RESF1: variants seen among roughly 807,000 people sequenced by gnomAD.
RESF1 encodes retroelement silencing factor 1, also known as gonad expressed transcript.
A neutral mutation model predicts 134.7 loss-of-function variants in RESF1; 65 were observed. The observed-to-expected ratio is 0.48, with a 90% CI of 0.40 to 0.59. The LOEUF is 0.59. Among genes scored for constraint, RESF1 ranks in the 20% least tolerant of loss-of-function variants. RESF1 has a pLI of 0.00. For synonymous variants in RESF1, 762 were observed against 702.2 expected, an observed-to-expected ratio of 1.09 and a Z score of -1.35; for missense variants, 2,274 against 2,002.7, an observed-to-expected ratio of 1.14 and a Z score of -2.59.
At chr12:31,986,833 A>G (rs1939982686) in intron 4 of RESF1, among the ~76,000 whole-genome samples, 1 of 152,216 alleles carries the variant, frequency 6.6e-6, no homozygotes, top group Non-Finnish European at 1.5e-5. Flanking sequence ...GTTTTCCTGG[A>G]AAAGAAGATA....
intron 3 of RESF1, among the ~76,000 whole-genome samples, chr12:31,976,738 A>G (rs951794782): frequency 2.6e-5 from 4 of 152,142 alleles, no homozygotes; most frequent in African/African-American, 9.7e-5. Flanking sequence ...GTGGAAATGG[A>G]TCATCATAAA....
At chr12:31,975,244 GA>G (rs1162124909) in intron 3 of RESF1, among the ~76,000 whole-genome samples, 2 of 152,052 alleles carry the variant, frequency 1.3e-5, no homozygotes, top group Non-Finnish European at 2.9e-5. Flanking sequence ...CAGCCTGGGC[GA>G]CAGAGCGAGA....
At position 31,984,348 on chromosome 12, in the gene RESF1, G is replaced by C; in HGVS notation, c.3393G>C (p.Leu1131Phe). The change falls in exon 4 of 6, where the codon TTG (leucine) becomes TTC (phenylalanine). Residue 1131 changes from leucine to phenylalanine, a missense_variant. By Grantham distance (22) the Leu-to-Phe change is conservative. Coordinates refer to ENST00000312561, the MANE Select transcript of RESF1 (RefSeq NM_018169.4). The stretch of plus-strand genomic sequence containing the variant: ...ATCAACCCTATGTAGTAGACAAGTT[G>C]GCAGAACCTCAGAAAGAAGAGCCCA... Reference protein sequence around the residue: ...QDDQPYVVDKLAEPQKEEPIT... With the variant: ...QDDQPYVVDKFAEPQKEEPIT... 6.2e-7 allele frequency: 1 copy of C among 1,614,062 alleles called. No homozygotes were observed. Among genetic ancestry groups the C allele is most frequent in the African/African-American group, 1.3e-5 (1 of 75,026 alleles).
intron 3 of RESF1, among the ~76,000 whole-genome samples, chr12:31,976,652 C>T (rs1939640948): frequency 6.6e-6 from 1 of 151,946 alleles, no homozygotes; most frequent in African/African-American, 2.4e-5. Context: ...CACTGCACTC[C>T]AGTCTGGGTG....
At position 31,984,005 on chromosome 12, in the gene RESF1, A is replaced by G. The variant is rs1358143667; in HGVS notation, c.3050A>G (p.Gln1017Arg). The G allele has an allele frequency of 1.2e-6, 2 of 1,614,054 alleles. No individual in the cohort carries two copies. The highest frequency in any genetic ancestry group is 1.7e-6 in the Non-Finnish European group (2 of 1,179,992). Residue 1017 changes from glutamine to arginine, a missense_variant, in exon 4 of 6, where the codon CAG (glutamine) becomes CGG (arginine). Coordinates refer to ENST00000312561, the MANE Select transcript of RESF1 (RefSeq NM_018169.4). ...GATACGTGCTCGTCAGCTGCTATTC[A>G]GGAGGATATTTACCCTCAGGAAATA... ...ANDTCSSAAI[Q>R]EDIYPQEIDA...
At chr12:31,963,042 G>A (rs891703019) in intron 2 of RESF1, among the ~76,000 whole-genome samples, 5 of 151,598 alleles carry the variant, frequency 3.3e-5, no homozygotes, top group African/African-American at 7.3e-5. Flanking sequence ...ACCCTAGCTC[G>A]GGTGACAGAG....
rs1041474216 is a variant in RESF1, at chr12:31,960,773, C to G, written c.-341-4C>G. ...TATTATAAAATGTTTCTTGCTGTCC[C>G]TAGGACCAAAGAAGTAAACACTGTG... On this transcript the variant is annotated splice_region_variant and splice_polypyrimidine_tract_variant and intron_variant, in intron 1 of 5. Transcript: ENST00000312561. 2.0e-5 allele frequency: 3 copies of G among 152,164 alleles called. No homozygotes were observed. Among genetic ancestry groups the G allele is most frequent in the Non-Finnish European group, 4.4e-5 (3 of 68,030 alleles). 9.4% of individuals were successfully genotyped at this position (152,164 alleles called of 1,614,324 possible). A position where few individuals can be genotyped will look rare whatever the true frequency, so the allele number is the denominator to read the frequency against.
In RESF1 at chr12:31,965,526, G is replaced by C. The variant is rs139152660; in HGVS notation, c.-247+4655G>C. ...TTTAAAATAAGTCTCTGCTTTGGCT[G>C]CCTTGCTTGTGTGGTTTGTTCAGTT... On this transcript the variant is annotated intron_variant, in intron 2 of 5. Transcript: ENST00000312561. Among the ~76,000 whole-genome samples the C allele has an allele frequency of 7.9e-5, 12 of 152,284 alleles. No homozygotes were observed. The East Asian group carries it at 2.3e-3, about 29-fold the overall frequency.
At chr12:31,971,496 T>C (rs1166936754) in intron 3 of RESF1, among the ~76,000 whole-genome samples, 1 of 152,242 alleles carries the variant, frequency 6.6e-6, no homozygotes, top group Non-Finnish European at 1.5e-5. Flanking sequence ...CATTTTACTT[T>C]CAGTCTGTGT....
intron 2 of RESF1, among the ~76,000 whole-genome samples, chr12:31,965,088 C>CT (rs1291151560): frequency 6.6e-6 from 1 of 152,160 alleles, no homozygotes; most frequent in Non-Finnish European, 1.5e-5. Context: ...TCCAAAGTAG[C>CT]TAGGATTACA....
intron 3 of RESF1, among the ~76,000 whole-genome samples, chr12:31,974,849 G>A (rs1939594767): frequency 6.6e-6 from 1 of 151,782 alleles, no homozygotes; most frequent in Non-Finnish European, 1.5e-5. Context: ...CAACCTTGTG[G>A]ACTAGTCAAA....
intron 5 of RESF1, among the ~76,000 whole-genome samples, chr12:31,989,783 C>T (rs1462449303): frequency 2.6e-5 from 4 of 152,040 alleles, no homozygotes; most frequent in African/African-American, 9.7e-5. Context: ...ACCTGTGAGG[C>T]GGAGGTTCCA....
chr12:31,981,244 A>C lies in RESF1; in HGVS notation c.289A>C (p.Asn97His). ...TTCAGTAGAAAGAATAACATATGCA[A>C]ATGTTAATGGACCCAAACAACTAAC... is the stretch of plus-strand genomic sequence containing the variant. The part of the protein sequence containing the change: ...HTSVERITYA[N>H]VNGPKQLTHN... The change falls in exon 4 of 6, where the codon AAT becomes CAT. Residue 97 changes from asparagine (N) to histidine (H), a missense_variant. Coordinates refer to ENST00000312561, the MANE Select transcript of RESF1 (RefSeq NM_018169.4). 1 of 1,614,138 alleles carries C rather than the reference A, an allele frequency of 6.2e-7. No individual in the cohort carries two copies. The highest frequency in any genetic ancestry group is 8.5e-7 in the Non-Finnish European group (1 of 1,180,000).
rs1366334862 is a variant in RESF1 at position 31,968,296 on chromosome 12, T to C, written c.-246-1893T>C. ...ATATTTTAGGTATAAGAATAGTATT[T>C]TAATGTATATTATTTATTTCTTAAG... On this transcript the variant is annotated intron_variant, in intron 2 of 5. Transcript: ENST00000312561. Among the ~76,000 whole-genome samples the C allele has an allele frequency of 3.9e-5, 6 of 152,342 alleles. No homozygotes were observed. In the East Asian group the frequency reaches 5.8e-4, roughly 15 times the overall value.
chr12:31,976,784 G>A (rs374103398), intron 3 of RESF1, among the ~76,000 whole-genome samples: 1 of 152,062 alleles, frequency 6.6e-6, no homozygotes, highest in Non-Finnish European at 1.5e-5. Flanking sequence ...TTAACTAGGC[G>A]GAGGAGGAGG....
chr12:31,978,712 A>ATTTTT (rs35842957), intron 3 of RESF1, among the ~76,000 whole-genome samples: 2 of 121,902 alleles, frequency 1.6e-5, no homozygotes, highest in African/African-American at 3.0e-5. Flanking sequence ...CACCCAGCTA[A>ATTTTT]TTTTTTTTTT....
In RESF1 at chr12:31,983,172, G is replaced by A. The variant is rs773454747; in HGVS notation, c.2217G>A (p.Ser739=). The A allele has an allele frequency of 2.4e-5, 39 of 1,611,398 alleles. No homozygotes were observed. In the East Asian group the frequency reaches 6.2e-4, roughly 26 times the overall value. Residue 739 remains serine (S), a synonymous_variant, in exon 4 of 6, where the codon TCG becomes TCA. Coordinates refer to ENST00000312561, the MANE Select transcript of RESF1 (RefSeq NM_018169.4). ...ISNPSQQTAL[S]MVMHNYESSG... ...ATCCCTCACAGCAGACAGCTTTGTC[G>A]ATGGTAATGCACAATTATGAGTCTT... is the stretch of plus-strand genomic sequence containing the variant.
rs762461066 is a variant in RESF1 at position 31,982,760 on chromosome 12, C to T, written c.1805C>T (p.Ala602Val). 6.2e-7 allele frequency: 1 copy of T among 1,614,036 alleles called. No individual in the cohort carries two copies. The highest frequency in any genetic ancestry group is 1.3e-5 in the African/African-American group (1 of 75,056). ...RKTQKTVLKDANQTIQDSKPD... is the reference protein window; with the variant it reads ...RKTQKTVLKDVNQTIQDSKPD... ...ACTCAGAAGACAGTATTAAAAGATG[C>T]TAATCAAACTATTCAGGATTCTAAA... is the stretch of plus-strand genomic sequence containing the variant. Residue 602 changes from alanine (A) to valine (V), a missense_variant, in exon 4 of 6, where the codon GCT becomes GTT. Transcript: ENST00000312561.
rs779985607 is a variant in RESF1, at chr12:31,982,849, A to C, written c.1894A>C (p.Met632Leu). 1.2e-6 allele frequency: 2 copies of C among 1,614,012 alleles called. No homozygotes were observed. The highest frequency in any genetic ancestry group is 4.5e-5 in the East Asian group (2 of 44,886). ...TGGTAACCAACTGAATTTGAAGAAC[A>C]TGGAAACTCCAAGTACTTCTAATGT... ...MTGNQLNLKN[M>L]ETPSTSNVSG... Residue 632 changes from methionine to leucine, a missense_variant, in exon 4 of 6, where the codon ATG becomes CTG. Transcript: ENST00000312561.
Sources: allele counts gnomAD v4.1 joint callset (sites outside exome capture counted in the v4.1 genomes callset), GRCh38; gene constraint gnomAD v4.1.1; transcripts MANE v1.5; gene names NCBI Gene and HGNC (gene_info 2026-07-23, HGNC 2026-07-21).